FAM3C: variants seen among roughly 807,000 people sequenced by gnomAD.
FAM3C encodes FAM3 metabolism regulating signaling molecule C.
Under a neutral mutation model 32.5 loss-of-function variants are expected in FAM3C, and 15 were observed. The ratio of observed to expected loss-of-function variants is 0.46; its 90% CI spans 0.31 to 0.71. The LOEUF (loss-of-function observed/expected upper bound fraction) is 0.71, where lower values mean the gene tolerates loss of function less well. FAM3C is among the 30% of genes least tolerant of loss of function. The pLI is 0.05. For missense variants in FAM3C, 175 were observed against 274.4 expected (o/e 0.64, Z 2.56); for synonymous variants, 75 against 86.1 (o/e 0.87, Z 0.72).
chr7:121,361,900 A>G (rs1793933729), intron 7 of FAM3C, among the ~76,000 whole-genome samples: 1 of 152,206 alleles, frequency 6.6e-6, no homozygotes, highest in Non-Finnish European at 1.5e-5. Flanking sequence ...GATGGTCTCC[A>G]TCTCCTGACG....
chr7:121,374,629 T>C (rs140442600), intron 3 of FAM3C, among the ~76,000 whole-genome samples: 169 of 152,338 alleles, frequency 1.1e-3, no homozygotes, highest in African/African-American at 3.7e-3. Flanking sequence ...TTCGTTAAGA[T>C]AGTCTGAAAT....
rs1306592789 is a variant in FAM3C at position 121,354,257 on chromosome 7, G to A, written c.468-2988C>T. Among the ~76,000 whole-genome samples the A allele has an allele frequency of 2.6e-5, 4 of 152,002 alleles. No individual in the cohort carries two copies. The South Asian group carries it at 8.3e-4, about 32-fold the overall frequency. On this transcript the variant is annotated intron_variant, in intron 8 of 9. Transcript: ENST00000359943. ...ATACAAGCTTTTTATTCCACATAGGGCACTCTGAGTTTGTTACATATATTT... is the reference window on the plus strand; with the variant it reads ...ATACAAGCTTTTTATTCCACATAGGACACTCTGAGTTTGTTACATATATTT...
At chr7:121,380,227 T>C (rs545244710) in intron 2 of FAM3C, 8 of 152,284 alleles carry the variant, frequency 5.3e-5, no homozygotes, top group African/African-American at 1.9e-4. Flanking sequence ...TTTCTAGCAA[T>C]CATAGGCACA....
In FAM3C at chr7:121,360,144, G is replaced by C. The variant is rs1215800244; in HGVS notation, c.383-17C>G. The C allele has an allele frequency of 7.1e-7, 1 of 1,405,736 alleles. No individual in the cohort carries two copies. Among genetic ancestry groups the C allele is most frequent in the South Asian group, 1.2e-5 (1 of 85,614 alleles). 87.1% of individuals were successfully genotyped at this position (1,405,736 alleles called of 1,614,324 possible). On this transcript the variant is annotated splice_polypyrimidine_tract_variant and intron_variant, in intron 7 of 9. Transcript: ENST00000359943. ...GTGCCACATCTGAAGAAAAAGAAAG[G>C]GTTTAGGGTTTTAAAAAATGACTGA...
At chr7:121,359,911 C>T (rs931422721) in intron 8 of FAM3C, 132 bp downstream of exon 8, 1 of 612,182 alleles carries the variant, frequency 1.6e-6, no homozygotes, top group Non-Finnish European at 2.9e-6. Context: ...AAAGTAAAAA[C>T]AAAAATTGTT....
chr7:121,392,719 C>T (rs960746357), intron 1 of FAM3C, among the ~76,000 whole-genome samples: 6 of 151,974 alleles, frequency 3.9e-5, no homozygotes, highest in Admixed American at 2.0e-4. Flanking sequence ...GAGATTATGA[C>T]GAAAATCAAT....
chr7:121,384,282 T>C (rs1255535918), intron 1 of FAM3C, among the ~76,000 whole-genome samples: 1 of 152,198 alleles, frequency 6.6e-6, no homozygotes, highest in Non-Finnish European at 1.5e-5. Flanking sequence ...CTATTTCAAC[T>C]ACCTAGCCAC....
chr7:121,376,461 C>CTGA (rs1326960013), intron 3 of FAM3C, among the ~76,000 whole-genome samples: 1 of 152,126 alleles, frequency 6.6e-6, no homozygotes, highest in Non-Finnish European at 1.5e-5. Flanking sequence ...CAGTGCAGTA[C>CTGA]AGGTTTAAGT....
intron 2 of FAM3C, among the ~76,000 whole-genome samples, chr7:121,382,000 AATTGGTTTGCTGCTG>A: frequency 6.6e-6 from 1 of 152,290 alleles, no homozygotes; most frequent in South Asian, 2.1e-4. Flanking sequence ...TTAGGAAAAT[AATTGGTTTGCTGCTG>A]AGATGACAAT....
At position 121,390,080 on chromosome 7, in the gene FAM3C, G is replaced by T. The variant is rs377114418; in HGVS notation, c.-42+6082C>A. Among the ~76,000 whole-genome samples, 20 of 152,250 alleles carry T rather than the reference G, an allele frequency of 1.3e-4. No individual in the cohort carries two copies. In the East Asian group the frequency reaches 1.5e-3, roughly 12 times the overall value. On this transcript the variant is annotated intron_variant, in intron 1 of 9. Transcript: ENST00000359943. ...CAATCAAATAATTTATATGGTAAAA[G>T]ATCTGAAGAACTGTTGCTTTGTAAT...
rs111599144 is a variant in FAM3C at position 121,372,000 on chromosome 7, A to G, written c.148+110T>C. 1,738 of 753,844 alleles carry G rather than the reference A, an allele frequency of 2.3e-3. 3 individuals carry two copies. Among genetic ancestry groups the G allele is most frequent in the Middle Eastern group, 4.6e-3 (15 of 3,242 alleles). The allele number at this position is 753,844 out of a possible 1,614,324, so 46.7% of individuals were successfully genotyped here. Reference sequence around the variant, plus strand: ...AGCATCCTCATAACTTTAAAAAGCAATTTCTAAAGCAGTTTTTCCTCATAC... The same window carrying G: ...AGCATCCTCATAACTTTAAAAAGCAGTTTCTAAAGCAGTTTTTCCTCATAC... On this transcript the variant is annotated intron_variant, in intron 4 of 9. Transcript: ENST00000359943.
intron 3 of FAM3C, among the ~76,000 whole-genome samples, chr7:121,376,229 G>A (rs532201283): frequency 1.7e-4 from 26 of 152,304 alleles, no homozygotes; most frequent in African/African-American, 5.8e-4. Context: ...TTTAGGATGT[G>A]TGCTGAAAAA....
At chr7:121,378,829 G>C (rs1430542765) in intron 3 of FAM3C, 81 bp downstream of exon 3, 1 of 639,068 alleles carries the variant, frequency 1.6e-6, no homozygotes, top group Non-Finnish European at 2.7e-6. Context: ...TTCTAGCACT[G>C]AGTGACTCAG....
intron 1 of FAM3C, among the ~76,000 whole-genome samples, chr7:121,384,307 C>T (rs2116953126): frequency 6.6e-6 from 1 of 152,204 alleles, no homozygotes; most frequent in East Asian, 1.9e-4. Context: ...TAGGAAAATA[C>T]TAAAAGGAAA....
At chr7:121,387,172 T>C (rs2116961518) in intron 1 of FAM3C, among the ~76,000 whole-genome samples, 1 of 152,272 alleles carries the variant, frequency 6.6e-6, no homozygotes, top group South Asian at 2.1e-4. Context: ...TTTCATAAAA[T>C]GTTCATGTGT....
chr7:121,383,142 TA>T (rs35702337), intron 1 of FAM3C, 132 bp from the exon 2 acceptor site: 134,115 of 440,590 alleles, frequency 0.3, 3,294 homozygotes, highest in South Asian at 0.33. Context: ...ACATTGGCAT[TA>T]AAAAAAAAAA....
At chr7:121,352,587 C>A (rs1251450644) in intron 8 of FAM3C, among the ~76,000 whole-genome samples, 3 of 152,334 alleles carry the variant, frequency 2.0e-5, no homozygotes, top group East Asian at 3.9e-4. Context: ...TGCAGAAGAA[C>A]CAATCTCAGC....
chr7:121,395,489 T>C (rs1422041156), intron 1 of FAM3C, among the ~76,000 whole-genome samples: 4 of 149,568 alleles, frequency 2.7e-5, no homozygotes, highest in Non-Finnish European at 4.4e-5. Flanking sequence ...TAGAGGATGA[T>C]GGAAACCGCT....
chr7:121,358,164 G>T (rs957456724), intron 8 of FAM3C, among the ~76,000 whole-genome samples: 1 of 151,996 alleles, frequency 6.6e-6, no homozygotes, highest in Non-Finnish European at 1.5e-5. Flanking sequence ...AGTTGAACCA[G>T]ATAAAACGCA....
Sources: gnomAD v4.1 joint callset for allele counts (sites outside exome capture counted in the v4.1 genomes callset) on GRCh38, gnomAD v4.1.1 for gene constraint, MANE v1.5 for transcripts, NCBI Gene and HGNC (gene_info 2026-07-23, HGNC 2026-07-21) for gene names.